Variants in GIGYF2 observed in about 807,000 individuals in gnomAD.
GIGYF2 encodes the protein GRB10 interacting GYF protein 2, also known as GRB10-interacting GYF protein 2.
GIGYF2 carries 25 observed loss-of-function variants against 208.1 expected under a neutral mutation model. The ratio of observed to expected loss-of-function variants is 0.12; its 90% CI spans 0.09 to 0.17. The LOEUF (loss-of-function observed/expected upper bound fraction) is 0.17, where lower values mean the gene tolerates loss of function less well. GIGYF2 is among the 10% of genes least tolerant of loss of function. GIGYF2 has a pLI of 1.00. For synonymous variants in GIGYF2, 534 were observed against 543.8 expected (o/e 0.98, Z 0.25); for missense variants, 1,302 against 1,579.4 (o/e 0.82, Z 2.98).
intron 18 of GIGYF2, among the ~76,000 whole-genome samples, chr2:232,813,680 A>AC (rs1700812404): frequency 6.6e-6 from 1 of 151,778 alleles, no homozygotes; most frequent in South Asian, 2.1e-4. Flanking sequence ...GTTAACACTG[A>AC]CCCCGCAGAT....
intron 22 of GIGYF2, among the ~76,000 whole-genome samples, chr2:232,838,551 A>C (rs751482895): frequency 6.6e-6 from 1 of 152,134 alleles, no homozygotes; most frequent in Non-Finnish European, 1.5e-5. Flanking sequence ...ATCAGTGGTT[A>C]CTGGCTGCAT....
chr2:232,729,945 T>A, intron 2 of GIGYF2: 2 of 729,678 alleles, frequency 2.7e-6, no homozygotes, highest in Admixed American at 3.7e-5. Flanking sequence ...TATAGTGTCT[T>A]CCATATCCAC....
Position 232,800,760 on chromosome 2 carries a change from G to GT in GIGYF2, c.1639+4539_1639+4540insT, listed in dbSNP as rs539135884. Reference sequence around the variant, plus strand: ...CTAATTATTTTTCTTTTTTAGAGATGAGGTTTCAGCTGACACACGCTGGCT... The same window carrying GT: ...CTAATTATTTTTCTTTTTTAGAGATGTAGGTTTCAGCTGACACACGCTGGCT... On this transcript the variant is annotated intron_variant, in intron 14 of 28. Coordinates refer to ENST00000373563, the MANE Select transcript of GIGYF2 (RefSeq NM_001103146.3). Among the ~76,000 whole-genome samples, 554 of 152,026 alleles carry GT rather than the reference G, an allele frequency of 3.6e-3. 2 individuals carry two copies. The highest frequency in any genetic ancestry group is 0.013 in the African/African-American group (535 of 41,466).
intron 20 of GIGYF2, 38 bp from the exon 21 acceptor site, chr2:232,819,788 TC>T: frequency 5.5e-6 from 2 of 365,666 alleles, no homozygotes; most frequent in Non-Finnish European, 5.3e-6. Context: ...TAGACCTGAG[TC>T]CCTCCCCCAC....
chr2:232,833,173 T>A (rs942963797), intron 22 of GIGYF2, 80 bp downstream of exon 22: 1 of 772,970 alleles, frequency 1.3e-6, no homozygotes, highest in Non-Finnish European at 2.1e-6. Context: ...CCAGTAGCAG[T>A]AAAACTGTTC....
At chr2:232,829,796 T>C (rs951980910) in intron 21 of GIGYF2, among the ~76,000 whole-genome samples, 2 of 152,174 alleles carry the variant, frequency 1.3e-5, no homozygotes, top group African/African-American at 4.8e-5. Flanking sequence ...TTTGAGCCCC[T>C]TGCTGGTGAA....
intron 22 of GIGYF2, among the ~76,000 whole-genome samples, chr2:232,837,920 A>T (rs1184000144): frequency 6.6e-6 from 1 of 152,158 alleles, no homozygotes; most frequent in East Asian, 1.9e-4. Context: ...GAACAAGAAG[A>T]GTATAGTTTT....
In GIGYF2 at chr2:232,856,777, A is replaced by G. The variant is rs1446410296; in HGVS notation, c.3833-16A>G. 3.8e-6 allele frequency: 6 copies of G among 1,590,340 alleles called. No individual in the cohort carries two copies. The highest frequency in any genetic ancestry group is 1.7e-5 in the Admixed American group (1 of 59,994). Reference sequence around the variant, plus strand: ...TGCCTGGGTGTGGTCACTCATAGCCAGTTTTTTTTCTGCAGGATTTTCAGT... The same window carrying G: ...TGCCTGGGTGTGGTCACTCATAGCCGGTTTTTTTTCTGCAGGATTTTCAGT... On this transcript the variant is annotated splice_polypyrimidine_tract_variant and intron_variant, in intron 28 of 28. Transcript: ENST00000373563.
chr2:232,751,562 A>G (rs1283017585), intron 5 of GIGYF2, among the ~76,000 whole-genome samples: 1 of 152,032 alleles, frequency 6.6e-6, no homozygotes, highest in Non-Finnish European at 1.5e-5. Context: ...AGCTTCATAT[A>G]CCAGTTTTAT....
At position 232,780,873 on chromosome 2, in the gene GIGYF2, A is replaced by G. The variant is rs200090493; in HGVS notation, c.533-6277A>G. 6.6e-5 allele frequency among the ~76,000 whole-genome samples: 10 copies of G among 152,296 alleles called. No homozygotes were observed. In the East Asian group the frequency reaches 1.9e-3, roughly 29 times the overall value. ...GTCTCCGTTGCTATGAATTGTTGGA[A>G]TTTTTAGACGTGAAGGGAACTTAGA... On this transcript the variant is annotated intron_variant, in intron 8 of 28. Coordinates refer to ENST00000373563, the MANE Select transcript of GIGYF2 (RefSeq NM_001103146.3).
At chr2:232,814,578 A>C (rs947075319) in intron 18 of GIGYF2, among the ~76,000 whole-genome samples, 807 of 36,052 alleles carry the variant, frequency 0.022, 15 homozygotes, top group South Asian at 0.055. Flanking sequence ...CCCCCCCCCC[A>C]AAAAAAAAGT....
chr2:232,842,479 C>T (rs1268818376), intron 23 of GIGYF2, among the ~76,000 whole-genome samples: 1 of 152,192 alleles, frequency 6.6e-6, no homozygotes, highest in African/African-American at 2.4e-5. Context: ...AAGGATATTA[C>T]TTACTGATAG....
rs992564465 is a variant in GIGYF2, at chr2:232,816,302, G to A, written c.2208+565G>A. On this transcript the variant is annotated intron_variant, in intron 19 of 28. Transcript: ENST00000373563. Reference sequence around the variant, plus strand: ...TGTAATGATTTCTAGGTTCTCAGGCGTACAAGAGAGTGTTGTTGCTGTTTT... The same window carrying A: ...TGTAATGATTTCTAGGTTCTCAGGCATACAAGAGAGTGTTGTTGCTGTTTT... Among the ~76,000 whole-genome samples, 40 of 152,166 alleles carry A rather than the reference G, an allele frequency of 2.6e-4. 1 individual carries two copies. The highest frequency in any genetic ancestry group is 7.9e-4 in the Admixed American group (12 of 15,282).
chr2:232,724,053 A>G (rs921732194), intron 2 of GIGYF2, among the ~76,000 whole-genome samples: 6 of 144,918 alleles, frequency 4.1e-5, no homozygotes, highest in African/African-American at 1.0e-4. Flanking sequence ...TAAGATTCTT[A>G]TTTTTGAGAT....
chr2:232,836,785 T>G (rs925351740), intron 22 of GIGYF2, among the ~76,000 whole-genome samples: 4 of 152,110 alleles, frequency 2.6e-5, no homozygotes, highest in Admixed American at 2.0e-4. Context: ...AGTCTCCTCC[T>G]AATTGCCTTT....
At chr2:232,779,991 A>G (rs1228526557) in intron 8 of GIGYF2, among the ~76,000 whole-genome samples, 2 of 152,204 alleles carry the variant, frequency 1.3e-5, no homozygotes, top group East Asian at 1.9e-4. Flanking sequence ...GAGTAATACA[A>G]AGTCACTCCT....
intron 2 of GIGYF2, among the ~76,000 whole-genome samples, chr2:232,707,335 A>C (rs1410505484): frequency 2.0e-5 from 3 of 152,112 alleles, no homozygotes; most frequent in Admixed American, 2.0e-4. Flanking sequence ...AATTGGCAGA[A>C]GTTTGTGAGG....
At chr2:232,724,219 T>A (rs1326897620) in intron 2 of GIGYF2, among the ~76,000 whole-genome samples, 3 of 149,080 alleles carry the variant, frequency 2.0e-5, no homozygotes, top group African/African-American at 7.4e-5. Flanking sequence ...TTTTTTTTTT[T>A]TTTTTTTTTT....
chr2:232,785,332 A>C (rs1699876413), intron 8 of GIGYF2, among the ~76,000 whole-genome samples: 1 of 152,118 alleles, frequency 6.6e-6, no homozygotes, highest in Admixed American at 6.5e-5. Context: ...GTTCTGGCCC[A>C]GGGTTCTTGT....
Sources: allele counts gnomAD v4.1 joint callset (sites outside exome capture counted in the v4.1 genomes callset), GRCh38; gene constraint gnomAD v4.1.1; transcripts MANE v1.5; gene names NCBI Gene and HGNC (gene_info 2026-07-23, HGNC 2026-07-21).